The following PISD variants were observed in gnomAD, a reference collection of about 807,000 sequenced individuals.
PISD encodes phosphatidylserine decarboxylase proenzyme, mitochondrial.
PISD carries 31 observed loss-of-function variants against 43.5 expected under a neutral mutation model. The observed-to-expected ratio is 0.71, with a 90% CI of 0.54 to 0.96. The LOEUF is 0.96. Ranked by LOEUF, PISD falls within the 40% of genes least tolerant of loss-of-function variation. The pLI is 0.00. For missense variants in PISD, 523 were observed against 548.4 expected (o/e 0.95, Z 0.46); for synonymous variants, 259 against 228.7 (o/e 1.13, Z -1.20).
chr22:31,662,205 C>G lies in PISD; in HGVS notation c.4G>C (p.Ala2Pro). The change falls in exon 1 of 8, where the codon GCG becomes CCG. Residue 2 changes from alanine (A) to proline (P), a missense_variant. Transcript: ENST00000439502. M[A>P]TSVGHRCLGL... ...AGACATCGGTGCCCCACGGACGTCGCCATCTTGTCTGCTCCTTCTCAGCGT... is the reference window on the plus strand; with the variant it reads ...AGACATCGGTGCCCCACGGACGTCGGCATCTTGTCTGCTCCTTCTCAGCGT... 6.2e-7 allele frequency: 1 copy of G among 1,603,804 alleles called. No homozygotes were observed. The highest frequency in any genetic ancestry group is 8.5e-7 in the Non-Finnish European group (1 of 1,179,754).
chr22:31,635,221 C>G (rs1199475539), intron 3 of PISD, among the ~76,000 whole-genome samples: 1 of 149,970 alleles, frequency 6.7e-6, no homozygotes, highest in African/African-American at 2.5e-5. Context: ...TCCTGGCAGA[C>G]AGCTTCATGC....
intron 3 of PISD, among the ~76,000 whole-genome samples, chr22:31,635,166 C>CA (rs758010660): frequency 1.1e-4 from 15 of 135,028 alleles, no homozygotes; most frequent in South Asian, 2.2e-4. Context: ...AACTCCGTCT[C>CA]AAAAAACAAA....
At chr22:31,645,529 AC>A (rs1464923169) in intron 3 of PISD, among the ~76,000 whole-genome samples, 2 of 145,446 alleles carry the variant, frequency 1.4e-5, no homozygotes, top group Admixed American at 1.4e-4. Context: ...ACATGGTGAA[AC>A]CCTGTCTCTT....
chr22:31,662,223 C>T, upstream of PISD: 2 of 1,601,856 alleles, frequency 1.2e-6, no homozygotes, highest in Non-Finnish European at 1.7e-6. Flanking sequence ...TCTGCTCCTT[C>T]TCAGCGTGCC....
At chr22:31,637,786 C>T (rs960843922) in intron 3 of PISD, among the ~76,000 whole-genome samples, 1 of 152,162 alleles carries the variant, frequency 6.6e-6, no homozygotes, top group Non-Finnish European at 1.5e-5. Context: ...GCAAGTGTCC[C>T]GCTCCCCTCA....
At position 31,628,175 on chromosome 22, in the gene PISD, A is replaced by G. The variant is rs1422450570; in HGVS notation, c.322-6290T>C. The G allele has an allele frequency of 4.1e-6, 4 of 985,476 alleles. No individual in the cohort carries two copies. The African/African-American group carries it at 7.0e-5, about 17-fold the overall frequency. 61.0% of individuals were successfully genotyped at this position (985,476 alleles called of 1,614,324 possible). A position where few individuals can be genotyped will look rare whatever the true frequency, so the allele number is the denominator to read the frequency against. On this transcript the variant is annotated intron_variant, in intron 3 of 7. Transcript: ENST00000439502. ...AGGAAAATGAATCCAGCTTTGCCCCAGGACACAGGCTGAGCACCGTCTGTC... is the reference window on the plus strand; with the variant it reads ...AGGAAAATGAATCCAGCTTTGCCCCGGGACACAGGCTGAGCACCGTCTGTC...
chr22:31,624,265 G>A (rs947767232), intron 3 of PISD, among the ~76,000 whole-genome samples: 3 of 152,124 alleles, frequency 2.0e-5, no homozygotes, highest in South Asian at 2.1e-4. Flanking sequence ...CTCAGCCTCC[G>A]CAGCCCAGGA....
chr22:31,626,362 C>CG (rs1261905365), intron 3 of PISD: 1 of 153,772 alleles, frequency 6.5e-6, no homozygotes, highest in Non-Finnish European at 1.4e-5. Flanking sequence ...CCGCGTCAGC[C>CG]GGTCTGCAGT....
At chr22:31,647,360 G>T (rs2073914447) in intron 3 of PISD, among the ~76,000 whole-genome samples, 1 of 152,196 alleles carries the variant, frequency 6.6e-6, no homozygotes, top group African/African-American at 2.4e-5. Flanking sequence ...AGATTCAGCT[G>T]ATCTGGATTA....
intron 3 of PISD, among the ~76,000 whole-genome samples, chr22:31,643,361 G>T (rs1454979277): frequency 3.3e-5 from 5 of 152,128 alleles, no homozygotes; most frequent in Admixed American, 3.3e-4. Flanking sequence ...GGGAAAACTG[G>T]ATACCCACAT....
intron 3 of PISD, chr22:31,625,505 A>G: frequency 3.4e-6 from 2 of 586,744 alleles, no homozygotes; most frequent in South Asian, 4.0e-5. Context: ...GGTAGGGAAG[A>G]TCGCAGGCAT....
At position 31,618,699 on chromosome 22, in the gene PISD, C is replaced by A. The variant is rs987843843; in HGVS notation, c.*913G>T. On this transcript the variant is annotated 3_prime_UTR_variant, in exon 8 of 8. Transcript: ENST00000439502. ...CGCCACTGGGGGCTCCCCAGGCCTG[C>A]GTTCCTGATAAACTGGGACAGGTTT... The A allele has an allele frequency of 3.2e-6, 1 of 317,398 alleles. No individual in the cohort carries two copies. Among genetic ancestry groups the A allele is most frequent in the Non-Finnish European group, 5.7e-6 (1 of 175,304 alleles). The allele number at this position is 317,398 out of a possible 1,614,324, so 19.7% of individuals were successfully genotyped here.
intron 3 of PISD, among the ~76,000 whole-genome samples, chr22:31,637,593 T>C (rs2073548717): frequency 6.6e-6 from 1 of 152,046 alleles, no homozygotes; most frequent in Non-Finnish European, 1.5e-5. Flanking sequence ...CGCTGGGACG[T>C]GCATGTCACT....
rs1178008209 is a variant in PISD, at chr22:31,619,432, C to A, written c.*180G>T. 5.8e-6 allele frequency: 4 copies of A among 688,118 alleles called. No homozygotes were observed. The African/African-American group carries it at 7.0e-5, about 12-fold the overall frequency. 42.6% of individuals were successfully genotyped at this position (688,118 alleles called of 1,614,324 possible). ...TTGAGGGGCATGATGGGGGCTCTCG[C>A]CACCTCTTGTCTGCACCTCTGGAAC... On this transcript the variant is annotated 3_prime_UTR_variant, in exon 8 of 8. Coordinates refer to ENST00000439502, the MANE Select transcript of PISD (RefSeq NM_001326411.2).
chr22:31,628,976 C>A, intron 3 of PISD: 2 of 985,436 alleles, frequency 2.0e-6, no homozygotes, highest in Non-Finnish European at 2.4e-6. Context: ...CGCGGAGTGA[C>A]CGGCCCTGTG....
intron 3 of PISD, chr22:31,627,920 G>A: frequency 1.6e-6 from 1 of 621,836 alleles, no homozygotes; most frequent in East Asian, 1.4e-4. Context: ...TGAGGCCAGG[G>A]GCCAGGTCAG....
intron 7 of PISD, among the ~76,000 whole-genome samples, chr22:31,620,042 C>T (rs1220895736): frequency 6.6e-6 from 1 of 152,196 alleles, no homozygotes; most frequent in Non-Finnish European, 1.5e-5. Flanking sequence ...CTGCTGTGAA[C>T]TGGGCCCAGG....
At chr22:31,624,154 C>A (rs943860823) in intron 3 of PISD, among the ~76,000 whole-genome samples, 1 of 152,232 alleles carries the variant, frequency 6.6e-6, no homozygotes, top group African/African-American at 2.4e-5. Flanking sequence ...GGCCCAGCTG[C>A]GGGGCACCTC....
At chr22:31,631,065 C>T (rs997690520) in intron 3 of PISD, among the ~76,000 whole-genome samples, 2 of 152,252 alleles carry the variant, frequency 1.3e-5, no homozygotes, top group Non-Finnish European at 2.9e-5. Context: ...ACCAGCTCTG[C>T]TTGGTCACTG....
Sources: allele counts gnomAD v4.1 joint callset (sites outside exome capture counted in the v4.1 genomes callset), GRCh38; gene constraint gnomAD v4.1.1; transcripts MANE v1.5; gene names NCBI Gene and HGNC (gene_info 2026-07-23, HGNC 2026-07-21).